VPS13A: variants seen among roughly 807,000 people sequenced by gnomAD.
VPS13A encodes vacuolar protein sorting 13 homolog A.
A neutral mutation model predicts 390.9 loss-of-function variants in VPS13A; 264 were observed. The observed-to-expected ratio is 0.68, with a 90% CI of 0.61 to 0.75. The LOEUF is 0.75. Ranked by LOEUF, VPS13A falls within the 30% of genes least tolerant of loss-of-function variation. The pLI is 0.00. For synonymous variants in VPS13A, 1,231 were observed against 1,227.1 expected (o/e 1.00, Z -0.07); for missense variants, 3,409 against 3,733.9 (o/e 0.91, Z 2.27).
intron 23 of VPS13A, among the ~76,000 whole-genome samples, chr9:77,263,538 G>A (rs1403713063): frequency 1.3e-5 from 2 of 152,072 alleles, no homozygotes; most frequent in Admixed American, 6.5e-5. Context: ...CCGCATAAAT[G>A]TCTTCTTTTG....
intron 1 of VPS13A, among the ~76,000 whole-genome samples, chr9:77,192,842 A>G (rs1723054658): frequency 6.6e-6 from 1 of 152,036 alleles, no homozygotes; most frequent in Non-Finnish European, 1.5e-5. Flanking sequence ...CTTGTATAGT[A>G]TCTTGCAGGG....
intron 5 of VPS13A, among the ~76,000 whole-genome samples, chr9:77,208,844 C>T (rs1825818308): frequency 6.6e-6 from 1 of 152,196 alleles, no homozygotes; most frequent in South Asian, 2.1e-4. Flanking sequence ...GCCACCTTGC[C>T]CCTCCAATTC....
At chr9:77,330,055 C>G (rs1830205656) in intron 45 of VPS13A, among the ~76,000 whole-genome samples, 1 of 152,180 alleles carries the variant, frequency 6.6e-6, no homozygotes, top group South Asian at 2.1e-4. Context: ...GGGTCTTGCT[C>G]TATCGCCCAG....
At chr9:77,186,778 A>C (rs1385922731) in intron 1 of VPS13A, among the ~76,000 whole-genome samples, 2 of 152,104 alleles carry the variant, frequency 1.3e-5, no homozygotes, top group Non-Finnish European at 1.5e-5. Flanking sequence ...CATTAAGTAC[A>C]CTTACATTGT....
At chr9:77,291,690 G>T (rs1041261961) in intron 31 of VPS13A, among the ~76,000 whole-genome samples, 2 of 152,114 alleles carry the variant, frequency 1.3e-5, no homozygotes, top group African/African-American at 4.8e-5. Context: ...GATGTTAGAG[G>T]CTCCTGCTGC....
At chr9:77,392,609 C>T (rs545397402) in intron 68 of VPS13A, among the ~76,000 whole-genome samples, 20 of 151,918 alleles carry the variant, frequency 1.3e-4, no homozygotes, top group Admixed American at 4.6e-4. Context: ...CAGAATAAAG[C>T]GAATATGGCA....
At position 77,210,634 on chromosome 9, in the gene VPS13A, C is replaced by A; in HGVS notation, c.514C>A (p.Pro172Thr). 1 of 1,613,814 alleles carries A rather than the reference C, an allele frequency of 6.2e-7. No individual in the cohort carries two copies. Among genetic ancestry groups the A allele is most frequent in the Non-Finnish European group, 8.5e-7 (1 of 1,179,980 alleles). ...YEDDITNRDKPLSFGISLQNL... is the reference protein window; with the variant it reads ...YEDDITNRDKTLSFGISLQNL... ...TCTTTAGATCACAAATCGGGACAAACCGCTGTCATTTGGTATTTCCCTTCA... is the reference window on the plus strand; with the variant it reads ...TCTTTAGATCACAAATCGGGACAAAACGCTGTCATTTGGTATTTCCCTTCA... Residue 172 changes from proline (P) to threonine (T), a missense_variant, in exon 7 of 72, where the codon CCG becomes ACG. By Grantham distance (38) the Pro-to-Thr change is conservative. This residue lies in a region of VPS13A where 2,717 missense variants were observed against 2,917.4 expected (regional missense o/e 0.93). Transcript: ENST00000360280.
In VPS13A at chr9:77,232,436, C is replaced by G. The variant is rs1823887833; in HGVS notation, c.1595+4172C>G. 2.6e-5 allele frequency among the ~76,000 whole-genome samples: 4 copies of G among 152,034 alleles called. No homozygotes were observed. The South Asian group carries it at 8.3e-4, about 32-fold the overall frequency. Reference sequence around the variant, plus strand: ...AATAAATGCTAAATAGATGCTTTTTCTGTTTTTATGAAGAGTTTCAGAAGG... The same window carrying G: ...AATAAATGCTAAATAGATGCTTTTTGTGTTTTTATGAAGAGTTTCAGAAGG... On this transcript the variant is annotated intron_variant, in intron 17 of 71. Coordinates refer to ENST00000360280, the MANE Select transcript of VPS13A (RefSeq NM_033305.3).
intron 47 of VPS13A, 172 bp downstream of exon 47, chr9:77,337,709 A>C (rs1830609692): frequency 1.6e-6 from 1 of 636,356 alleles, no homozygotes; most frequent in Non-Finnish European, 2.6e-6. Context: ...TATTGAAATA[A>C]CATTTAAGAA....
At position 77,357,734 on chromosome 9, in the gene VPS13A, C is replaced by G. The variant is rs1831895894; in HGVS notation, c.7849C>G (p.Pro2617Ala). Reference protein sequence around the residue: ...PTGHNMKILQPHVIALRRNYL... With the variant: ...PTGHNMKILQAHVIALRRNYL... ...TGGTCATAACATGAAAATTCTGCAG[C>G]CGCATGTAATAGCTCTACGAAGAAA... The change falls in exon 56 of 72, where the codon CCG (proline) becomes GCG (alanine). Residue 2617 changes from proline (P) to alanine (A), a missense_variant. Physicochemically the swap from Pro to Ala is conservative, Grantham distance 27 (BLOSUM62 -1). Transcript: ENST00000360280. 6.2e-7 allele frequency: 1 copy of G among 1,613,956 alleles called. No individual in the cohort carries two copies. Among genetic ancestry groups the G allele is most frequent in the East Asian group, 2.2e-5 (1 of 44,842 alleles).
chr9:77,407,592 C>T lies in VPS13A; in HGVS notation c.9459C>T (p.Thr3153=), dbSNP rs1587730745. The T allele has an allele frequency of 6.2e-7, 1 of 1,611,880 alleles. No homozygotes were observed. The highest frequency in any genetic ancestry group is 8.5e-7 in the Non-Finnish European group (1 of 1,178,304). ...REFGKIINFK[T]PEDARWILTK... Reference sequence around the variant, plus strand: ...TTGGAAAAATAATTAACTTCAAGACCCCAGAGGATGCCAGGGTAAATATAA... The same window carrying T: ...TTGGAAAAATAATTAACTTCAAGACTCCAGAGGATGCCAGGGTAAATATAA... The change falls in exon 71 of 72, where the codon ACC becomes ACT. Residue 3153 remains threonine (T), a synonymous_variant. Coordinates refer to ENST00000360280, the MANE Select transcript of VPS13A (RefSeq NM_033305.3).
chr9:77,260,795 C>T (rs1232067100), intron 23 of VPS13A, among the ~76,000 whole-genome samples: 1 of 152,138 alleles, frequency 6.6e-6, no homozygotes, highest in Non-Finnish European at 1.5e-5. Flanking sequence ...ACTACTGCTT[C>T]TCTAGTTTTT....
At chr9:77,213,795 C>T (rs1305680309) in intron 9 of VPS13A, among the ~76,000 whole-genome samples, 1 of 152,070 alleles carries the variant, frequency 6.6e-6, no homozygotes, top group East Asian at 1.9e-4. Flanking sequence ...TGAGCCACTG[C>T]ACCCAATGAT....
chr9:77,292,482 C>G (rs1371368710), intron 31 of VPS13A, among the ~76,000 whole-genome samples: 2 of 151,254 alleles, frequency 1.3e-5, no homozygotes, highest in Admixed American at 1.3e-4. Flanking sequence ...TTTTCCTTTT[C>G]TTAAGGTTTG....
At chr9:77,301,207 T>C (rs1045936157) in intron 33 of VPS13A, among the ~76,000 whole-genome samples, 1 of 152,190 alleles carries the variant, frequency 6.6e-6, no homozygotes, top group Non-Finnish European at 1.5e-5. Context: ...GATATAGATA[T>C]ATAAAATACA....
chr9:77,228,893 A>G (rs1457687860), intron 17 of VPS13A, among the ~76,000 whole-genome samples: 1 of 152,020 alleles, frequency 6.6e-6, no homozygotes, highest in East Asian at 1.9e-4. Context: ...AAACCATCAG[A>G]TCTCATGAGA....
At chr9:77,231,586 T>A (rs4565527) in intron 17 of VPS13A, among the ~76,000 whole-genome samples, 74,607 of 151,868 alleles carry the variant, frequency 0.49, 18,536 homozygotes, top group South Asian at 0.6. Context: ...CATTGGGTCT[T>A]TTTTTTAATT....
chr9:77,201,906 A>G (rs1825353359), intron 3 of VPS13A, among the ~76,000 whole-genome samples: 1 of 152,136 alleles, frequency 6.6e-6, no homozygotes, highest in Non-Finnish European at 1.5e-5. Flanking sequence ...TCTTAAATAT[A>G]TTGGTTGAGC....
rs187157259 is a variant in VPS13A, at chr9:77,289,502, C to T, written c.3340-3839C>T. 3.9e-5 allele frequency among the ~76,000 whole-genome samples: 6 copies of T among 152,082 alleles called. No individual in the cohort carries two copies. In the East Asian group the frequency reaches 1.2e-3, roughly 29 times the overall value. On this transcript the variant is annotated intron_variant, in intron 31 of 71. Coordinates refer to ENST00000360280, the MANE Select transcript of VPS13A (RefSeq NM_033305.3). ...TATATCTTTAATCATAGTCTATCTT[C>T]CAATAATATTTTATTGTTGTACATA...
Sources: allele counts gnomAD v4.1 joint callset (sites outside exome capture counted in the v4.1 genomes callset), GRCh38; gene constraint gnomAD v4.1.1; regional missense constraint gnomAD v4.1.1; transcripts MANE v1.5; gene names NCBI Gene and HGNC (gene_info 2026-07-23, HGNC 2026-07-21).